SNX29: variants seen among roughly 807,000 people sequenced by gnomAD.
SNX29 encodes sorting nexin 29.
Under a neutral mutation model 102.1 loss-of-function variants are expected in SNX29, and 78 were observed. The observed-to-expected ratio is 0.76, with a 90% CI of 0.64 to 0.92. The LOEUF (loss-of-function observed/expected upper bound fraction) is 0.92, where lower values mean the gene tolerates loss of function less well. Among genes scored for constraint, SNX29 ranks in the 40% least tolerant of loss-of-function variants. SNX29 has a pLI of 0.00. For synonymous variants in SNX29, 580 were observed against 414.5 expected, an observed-to-expected ratio of 1.40 and a Z score of -4.85; for missense variants, 1,280 against 1,061.7, an observed-to-expected ratio of 1.21 and a Z score of -2.86.
chr16:12,439,276 A>T (rs1486440586), intron 18 of SNX29, among the ~76,000 whole-genome samples: 1 of 152,196 alleles, frequency 6.6e-6, no homozygotes, highest in Admixed American at 6.5e-5. Context: ...TGGTGACAAG[A>T]TAGTGACACC....
intron 13 of SNX29, among the ~76,000 whole-genome samples, chr16:12,177,593 C>A (rs1273765955): frequency 1.3e-5 from 2 of 152,142 alleles, no homozygotes; most frequent in African/African-American, 4.8e-5. Flanking sequence ...ATAATAGATG[C>A]TTAATTATTG....
chr16:12,105,261 T>C (rs2053187514), intron 11 of SNX29, among the ~76,000 whole-genome samples: 1 of 134,374 alleles, frequency 7.4e-6, no homozygotes, highest in South Asian at 2.7e-4. Flanking sequence ...TGTCTCACTC[T>C]GTCGCTAGGC....
chr16:12,146,863 A>G (rs2055085275), intron 13 of SNX29, among the ~76,000 whole-genome samples: 1 of 152,184 alleles, frequency 6.6e-6, no homozygotes, highest in African/African-American at 2.4e-5. Context: ...AAGCCATATA[A>G]ATTTCTTCAT....
rs531868166 is a variant in SNX29, at chr16:12,249,440, G to T, written c.1679-28493G>T. ...GGCTCACATTTGCGAATACTCCACT[G>T]ACCAGAGTAAGTCACATGGCCAGGC... On this transcript the variant is annotated intron_variant, in intron 14 of 20. Coordinates refer to ENST00000566228, the MANE Select transcript of SNX29 (RefSeq NM_032167.5). 2.1e-3 allele frequency among the ~76,000 whole-genome samples: 318 copies of T among 152,336 alleles called. 2 individuals carry two copies. The highest frequency in any genetic ancestry group is 7.2e-3 in the African/African-American group (300 of 41,568).
intron 11 of SNX29, chr16:12,086,840 G>T (rs2052224290): frequency 6.6e-6 from 1 of 152,004 alleles, no homozygotes; most frequent in South Asian, 2.1e-4. Context: ...TAGTCCCATG[G>T]GTCCCAATCT....
At chr16:12,037,582 G>T (rs1490765159) in intron 4 of SNX29, among the ~76,000 whole-genome samples, 1 of 152,130 alleles carries the variant, frequency 6.6e-6, no homozygotes, top group Admixed American at 6.6e-5. Context: ...CCCTGCAGTA[G>T]GGGGAGGTTA....
At chr16:12,497,548 T>C (rs1471032484) in intron 19 of SNX29, among the ~76,000 whole-genome samples, 7 of 152,210 alleles carry the variant, frequency 4.6e-5, no homozygotes, top group African/African-American at 1.7e-4. Flanking sequence ...AGGAATGACT[T>C]CAGGAGTGGC....
At chr16:12,346,710 C>T (rs2081820713) in intron 15 of SNX29, among the ~76,000 whole-genome samples, 1 of 152,134 alleles carries the variant, frequency 6.6e-6, no homozygotes, top group African/African-American at 2.4e-5. Context: ...TGCTTTCTTT[C>T]CCCTGTCATT....
intron 4 of SNX29, among the ~76,000 whole-genome samples, chr16:12,033,839 T>G (rs1211563377): frequency 6.6e-6 from 1 of 151,914 alleles, no homozygotes; most frequent in African/African-American, 2.4e-5. Context: ...ACTACTGACT[T>G]CAGGTGATCC....
At chr16:12,488,894 C>A (rs1010600765) in intron 19 of SNX29, among the ~76,000 whole-genome samples, 10 of 152,082 alleles carry the variant, frequency 6.6e-5, no homozygotes, top group Non-Finnish European at 1.2e-4. Context: ...GTTCGAGGAC[C>A]CTATTTCTAG....
At chr16:12,151,181 T>G (rs1363057977) in intron 13 of SNX29, among the ~76,000 whole-genome samples, 1 of 152,216 alleles carries the variant, frequency 6.6e-6, no homozygotes, top group Admixed American at 6.5e-5. Context: ...GCTGAGCCTG[T>G]TACACTCTCT....
chr16:12,573,000 C>T lies in SNX29; in HGVS notation c.*4371C>T. ...ATTGTGCATTAATTCATTAAAGCTACTGTTAAATATTTGCTGTTTTTAGAT... is the reference window on the plus strand; with the variant it reads ...ATTGTGCATTAATTCATTAAAGCTATTGTTAAATATTTGCTGTTTTTAGAT... On this transcript the variant is annotated 3_prime_UTR_variant, in exon 21 of 21. Coordinates refer to ENST00000566228, the MANE Select transcript of SNX29 (RefSeq NM_032167.5). 1 of 337,654 alleles carries T rather than the reference C, an allele frequency of 3.0e-6. No homozygotes were observed. The highest frequency in any genetic ancestry group is 4.7e-6 in the Non-Finnish European group (1 of 214,560). 20.9% of individuals were successfully genotyped at this position (337,654 alleles called of 1,614,324 possible). A position where few individuals can be genotyped will look rare whatever the true frequency, so the allele number is the denominator to read the frequency against.
intron 11 of SNX29, among the ~76,000 whole-genome samples, chr16:12,118,313 CTTTTTT>C (rs869186902): frequency 4.6e-5 from 4 of 86,112 alleles, no homozygotes; most frequent in South Asian, 4.9e-4. Context: ...TACAGACCAC[CTTTTTT>C]TTTTTTTTTT....
intron 13 of SNX29, among the ~76,000 whole-genome samples, chr16:12,181,150 C>T (rs549627957): frequency 1.3e-5 from 2 of 152,312 alleles, no homozygotes; most frequent in Admixed American, 1.3e-4. Context: ...TACTGCACTT[C>T]TCAACGTGGC....
chr16:12,041,587 C>T (rs1259689443), intron 4 of SNX29, among the ~76,000 whole-genome samples: 3 of 152,198 alleles, frequency 2.0e-5, no homozygotes, highest in South Asian at 2.1e-4. Context: ...GGGCTGAATC[C>T]GTTTCTGGCC....
At chr16:12,251,794 C>A (rs2078430976) in intron 14 of SNX29, among the ~76,000 whole-genome samples, 1 of 151,880 alleles carries the variant, frequency 6.6e-6, no homozygotes, top group South Asian at 2.1e-4. Context: ...GTGTCTTGCT[C>A]TGTCACCCAG....
intron 20 of SNX29, among the ~76,000 whole-genome samples, chr16:12,553,656 T>C (rs904231533): frequency 1.4e-5 from 2 of 142,994 alleles, no homozygotes; most frequent in African/African-American, 5.2e-5. Flanking sequence ...AATGACGTGA[T>C]CTTGGCTCAC....
chr16:12,440,592 C>T (rs1162869654), intron 18 of SNX29, among the ~76,000 whole-genome samples: 1 of 152,170 alleles, frequency 6.6e-6, no homozygotes, highest in Non-Finnish European at 1.5e-5. Flanking sequence ...TCTCCCTCCT[C>T]CCACCCTCCA....
chr16:12,087,969 C>T, intron 11 of SNX29: 1 of 456,704 alleles, frequency 2.2e-6, no homozygotes, highest in Non-Finnish European at 4.4e-6. Context: ...AGTGGGTCCT[C>T]ATGGCTAGAC....
Sources: gnomAD v4.1 joint callset for allele counts (sites outside exome capture counted in the v4.1 genomes callset) on GRCh38, gnomAD v4.1.1 for gene constraint, MANE v1.5 for transcripts, NCBI Gene and HGNC (gene_info 2026-07-23, HGNC 2026-07-21) for gene names.